L3MBTL1: variants seen among roughly 807,000 people sequenced by gnomAD.
L3MBTL1 encodes L3MBTL histone methyl-lysine binding protein 1.
In L3MBTL1, 75 loss-of-function variants were observed where a neutral mutation model predicts 105.3. The ratio of observed to expected loss-of-function variants is 0.71; its 90% CI spans 0.59 to 0.86. L3MBTL1 has a LOEUF of 0.86. Among genes scored for constraint, L3MBTL1 ranks in the 40% least tolerant of loss-of-function variants. The pLI is 0.00. For synonymous variants in L3MBTL1, 452 were observed against 436.2 expected (o/e 1.04, Z -0.45); for missense variants, 1,069 against 1,126.4 (o/e 0.95, Z 0.73).
intron 13 of L3MBTL1, among the ~76,000 whole-genome samples, chr20:43,533,803 G>C (rs1357071220): frequency 6.6e-6 from 1 of 152,148 alleles, no homozygotes; most frequent in East Asian, 1.9e-4. Flanking sequence ...AGACAGCCCT[G>C]TGAACTATTA....
chr20:43,536,146 T>G lies in L3MBTL1; in HGVS notation c.1975T>G (p.Phe659Val). 1 of 1,613,776 alleles carries G rather than the reference T, an allele frequency of 6.2e-7. No homozygotes were observed. The highest frequency in any genetic ancestry group is 2.2e-5 in the East Asian group (1 of 44,878). Residue 659 changes from phenylalanine to valine, a missense_variant, in exon 18 of 22, where the codon TTC (phenylalanine) becomes GTC (valine). Physicochemically the swap from Phe to Val is conservative, Grantham distance 50. Transcript: ENST00000418998. ...CGGCTCTGGCCATGTCACAGGCAAG[T>G]TCACAGCTCACCATTGCCTCTCAGG... Reference protein sequence around the residue: ...CDGSGHVTGKFTAHHCLSGCP... With the variant: ...CDGSGHVTGKVTAHHCLSGCP...
rs1037210974 is a variant in L3MBTL1, at chr20:43,534,450, G to A, written c.1710+56G>A. The A allele has an allele frequency of 1.1e-4, 149 of 1,417,410 alleles. 1 individual carries two copies. Among genetic ancestry groups the A allele is most frequent in the Middle Eastern group, 3.5e-4 (2 of 5,724 alleles). The allele number at this position is 1,417,410 out of a possible 1,614,324, so 87.8% of individuals were successfully genotyped here. On this transcript the variant is annotated intron_variant, in intron 15 of 21. Coordinates refer to ENST00000418998, the MANE Select transcript of L3MBTL1 (RefSeq NM_001377303.1). ...GACAGGCCAGTTGGGCAGGAATTCTGTAGACTGTTTAGAGGTCAGGGGCAT... is the reference window on the plus strand; with the variant it reads ...GACAGGCCAGTTGGGCAGGAATTCTATAGACTGTTTAGAGGTCAGGGGCAT...
At chr20:43,545,835 G>A (rs1172775548), downstream of L3MBTL1, among the ~76,000 whole-genome samples, 2 of 152,178 alleles carry the variant, frequency 1.3e-5, no homozygotes, top group Non-Finnish European at 2.9e-5. Flanking sequence ...GAAAGATCAG[G>A]TAACTGTTTT....
intron 7 of L3MBTL1, among the ~76,000 whole-genome samples, chr20:43,517,088 C>T (rs540522808): frequency 4.6e-5 from 7 of 151,530 alleles, no homozygotes; most frequent in South Asian, 4.2e-4. Flanking sequence ...TGAGGTACCA[C>T]GCCTGGTCGT....
At chr20:43,510,669 G>A (rs985002330) in intron 1 of L3MBTL1, among the ~76,000 whole-genome samples, 5 of 151,622 alleles carry the variant, frequency 3.3e-5, no homozygotes, top group East Asian at 1.9e-4. Flanking sequence ...TACCCACCTC[G>A]GCTTCCCAAA....
intron 18 of L3MBTL1, among the ~76,000 whole-genome samples, chr20:43,547,189 C>CCATCTCCTGGGTT (rs1978665528): frequency 6.6e-6 from 1 of 150,716 alleles, no homozygotes. Flanking sequence ...ACTGCAAGCT[C>CCATCTCCTGGGTT]CGCCTCCCGG....
chr20:43,531,295 T>C (rs1385964338), intron 11 of L3MBTL1: 1 of 170,290 alleles, frequency 5.9e-6, no homozygotes, highest in East Asian at 1.7e-4. Flanking sequence ...GACTCTTCCA[T>C]TTATTTCCAA....
At chr20:43,526,980 T>A (rs979476634) in intron 7 of L3MBTL1, among the ~76,000 whole-genome samples, 2 of 151,984 alleles carry the variant, frequency 1.3e-5, no homozygotes, top group Non-Finnish European at 2.9e-5. Context: ...AACAGGTGCC[T>A]CTAGCCACTT....
chr20:43,509,074 C>A (rs949753362), intron 1 of L3MBTL1, among the ~76,000 whole-genome samples: 3 of 152,234 alleles, frequency 2.0e-5, no homozygotes, highest in Admixed American at 2.0e-4. Flanking sequence ...TCATGGCAGA[C>A]TCCTTCTCAG....
downstream of L3MBTL1, among the ~76,000 whole-genome samples, chr20:43,543,472 T>C (rs3830162): frequency 0.79 from 120,018 of 152,176 alleles, 47,634 homozygotes; most frequent in East Asian, 0.92. Context: ...CCAGGAACAT[T>C]TGCTGTGTCT....
At chr20:43,513,024 G>A (rs2018178450) in intron 1 of L3MBTL1, among the ~76,000 whole-genome samples, 1 of 152,212 alleles carries the variant, frequency 6.6e-6, no homozygotes, top group African/African-American at 2.4e-5. Context: ...TATGGGTGAA[G>A]GAAAACCTGG....
At position 43,514,027 on chromosome 20, in the gene L3MBTL1, A is replaced by AGGCCGC; in HGVS notation, c.331_336dup (p.Ala111_Ala112dup). The AGGCCGC allele has an allele frequency of 6.5e-7, 1 of 1,537,546 alleles. No homozygotes were observed. Among genetic ancestry groups the AGGCCGC allele is most frequent in the Non-Finnish European group, 8.7e-7 (1 of 1,146,654 alleles). On this transcript the variant is annotated inframe_insertion, in exon 3 of 22. Transcript: ENST00000418998. Reference sequence around the variant, plus strand: ...ACAGTGCGGCTTCTGGAATGGACAGAGGCCGCGGCCCCGCCCCCAGGGGGC... The same window carrying AGGCCGC: ...ACAGTGCGGCTTCTGGAATGGACAGAGGCCGCGGCCGCGGCCCCGCCCCCAGGGGGC...
At chr20:43,517,586 A>AAG (rs2018468754) in intron 7 of L3MBTL1, among the ~76,000 whole-genome samples, 4 of 152,138 alleles carry the variant, frequency 2.6e-5, no homozygotes, top group Admixed American at 2.6e-4. Flanking sequence ...TGTTTTATTA[A>AAG]TCATTTTATC....
downstream of L3MBTL1, among the ~76,000 whole-genome samples, chr20:43,543,127 T>C (rs1978336772): frequency 1.3e-5 from 2 of 151,364 alleles, no homozygotes; most frequent in East Asian, 1.9e-4. Context: ...TTTAATAACC[T>C]CATGTAAAAC....
chr20:43,536,971 C>T (rs1043742003), intron 19 of L3MBTL1, among the ~76,000 whole-genome samples: 1 of 152,218 alleles, frequency 6.6e-6, no homozygotes, highest in African/African-American at 2.4e-5. Context: ...GTTCTTTACA[C>T]ATACTGTGTC....
Position 43,534,269 on chromosome 20 carries a change from C to T in L3MBTL1, c.1600-15C>T. On this transcript the variant is annotated splice_polypyrimidine_tract_variant and intron_variant, in intron 14 of 21. Transcript: ENST00000418998. ...GAGCTGCGCCTTGCCCTGAAGGCAG[C>T]TGTCCCCTCTGCAGCGACCCCCTCA... is the stretch of plus-strand genomic sequence containing the variant. 6.2e-7 allele frequency: 1 copy of T among 1,609,348 alleles called. No individual in the cohort carries two copies. Among genetic ancestry groups the T allele is most frequent in the Non-Finnish European group, 8.5e-7 (1 of 1,176,744 alleles).
At chr20:43,514,808 GGCCCTGTGCGGGTGGGGCGA>G in intron 4 of L3MBTL1, 32 bp downstream of exon 4, 1 of 1,519,504 alleles carries the variant, frequency 6.6e-7, no homozygotes, top group Non-Finnish European at 8.8e-7. Context: ...CCCTGAGCTG[GGCCCTGTGCGGGTGGGGCGA>G]GGCCTGAGCC....
chr20:43,511,581 A>T (rs1188773654), intron 1 of L3MBTL1, among the ~76,000 whole-genome samples: 2 of 152,034 alleles, frequency 1.3e-5, no homozygotes, highest in Non-Finnish European at 2.9e-5. Flanking sequence ...CAGGAGTTCC[A>T]GTCCAGCCTG....
rs1401595788 is a variant in L3MBTL1, at chr20:43,535,890, A to C, written c.1879A>C (p.Arg627=). Residue 627 remains arginine (R), a synonymous_variant, in exon 17 of 22, where the codon AGG becomes CGG. Transcript: ENST00000418998. ...TGGGGGCTGTCCCCCTCTCAGCTAT[A>C]GGAGCCTGCCCCACACTAGGACCTC... The part of the protein sequence containing the change: ...SPGGCPPLSY[R]SLPHTRTSKY... 1 of 1,613,302 alleles carries C rather than the reference A, an allele frequency of 6.2e-7. No individual in the cohort carries two copies. The highest frequency in any genetic ancestry group is 8.5e-7 in the Non-Finnish European group (1 of 1,179,662).
Sources: allele counts gnomAD v4.1 joint callset (sites outside exome capture counted in the v4.1 genomes callset), GRCh38; gene constraint gnomAD v4.1.1; transcripts MANE v1.5; gene names NCBI Gene and HGNC (gene_info 2026-07-23, HGNC 2026-07-21).